Variants in OR52N4 observed in about 807,000 individuals in gnomAD.
OR52N4 encodes olfactory receptor family 52 subfamily N member 4, also known as olfactory receptor 52N4.
OR52N4 carries 15 observed loss-of-function variants against 15.0 expected under a neutral mutation model. That is an observed-to-expected ratio of 1.00 (90% CI 0.67 to 1.54). OR52N4 has a LOEUF of 1.54. OR52N4 is among the 40% of genes most tolerant of loss of function. The pLI, the probability that OR52N4 is intolerant of heterozygous loss-of-function variation, is 0.00. For missense variants in OR52N4, 421 were observed against 394.0 expected (o/e 1.07, Z -0.58); for synonymous variants, 143 against 143.7 (o/e 1.00, Z 0.03).
At chr11:5,739,958 A>G in the OR52N4 span, among the ~76,000 whole-genome samples, 2 of 128,608 alleles carry the variant, frequency 1.6e-5, 1 homozygote, top group Non-Finnish European at 3.5e-5. Context: ...GAGGGCTGAT[A>G]CTTTTCTTAG....
At chr11:5,751,370 T>C (rs1854187806), upstream of OR52N4, among the ~76,000 whole-genome samples, 1 of 152,002 alleles carries the variant, frequency 6.6e-6, no homozygotes, top group Admixed American at 6.6e-5. Flanking sequence ...TTTTTTCCAC[T>C]TTGTATTCTC....
the OR52N4 span, among the ~76,000 whole-genome samples, chr11:5,743,072 T>C: frequency 2.0e-5 from 3 of 152,014 alleles, no homozygotes; most frequent in Non-Finnish European, 4.4e-5. Flanking sequence ...TGGAAAACAA[T>C]AGCAAGCAGG....
At chr11:5,737,303 ATTG>A in the OR52N4 span, 4 of 1,613,884 alleles carry the variant, frequency 2.5e-6, no homozygotes, top group Non-Finnish European at 3.4e-6. Flanking sequence ...CTTTTACACT[ATTG>A]TTGTAGTGAT....
At chr11:5,728,068 G>T in the OR52N4 span, among the ~76,000 whole-genome samples, 1 of 152,174 alleles carries the variant, frequency 6.6e-6, no homozygotes, top group South Asian at 2.1e-4. Flanking sequence ...CACAAGAGAG[G>T]TTAGGAATAA....
upstream of OR52N4, among the ~76,000 whole-genome samples, chr11:5,753,309 C>T (rs1305605782): frequency 6.6e-6 from 1 of 151,950 alleles, no homozygotes; most frequent in African/African-American, 2.4e-5. Context: ...TTTAGCTGTC[C>T]TGTTTGGTAT....
At chr11:5,734,047 T>A in the OR52N4 span, 1 of 402,114 alleles carries the variant, frequency 2.5e-6, no homozygotes, top group East Asian at 7.3e-5. Context: ...TCTATTATGC[T>A]TAGGTCACTG....
At chr11:5,731,470 G>C in the OR52N4 span, among the ~76,000 whole-genome samples, 1 of 152,184 alleles carries the variant, frequency 6.6e-6, no homozygotes, top group Non-Finnish European at 1.5e-5. Context: ...GTACGTCTCA[G>C]AATTGTAAGC....
chr11:5,753,391 A>G (rs1564957930), upstream of OR52N4, among the ~76,000 whole-genome samples: 1 of 152,128 alleles, frequency 6.6e-6, no homozygotes, highest in Non-Finnish European at 1.5e-5. Context: ...GATTAATATA[A>G]AAGTTTGTGC....
upstream of OR52N4, among the ~76,000 whole-genome samples, chr11:5,753,889 AG>A (rs35533124): frequency 0.18 from 26,187 of 148,884 alleles, 2,433 homozygotes; most frequent in East Asian, 0.26. Flanking sequence ...GCTACTCGGG[AG>A]GCTAAGACAG....
the OR52N4 span, among the ~76,000 whole-genome samples, chr11:5,739,409 A>G: frequency 2.0e-4 from 25 of 123,928 alleles, 9 homozygotes; most frequent in African/African-American, 7.3e-4. Context: ...AAATAAAAAT[A>G]AAATTAGGCA....
the OR52N4 span, among the ~76,000 whole-genome samples, chr11:5,740,175 C>T: frequency 1.6e-5 from 2 of 127,082 alleles, 1 homozygote; most frequent in African/African-American, 5.7e-5. Flanking sequence ...TCATACAATA[C>T]GGGACACATT....
chr11:5,734,787 C>T, the OR52N4 span, among the ~76,000 whole-genome samples: 1 of 151,980 alleles, frequency 6.6e-6, no homozygotes, highest in African/African-American at 2.4e-5. Flanking sequence ...TGTGTTGAAC[C>T]CCTTCAGAAT....
chr11:5,730,458 T>C, the OR52N4 span, among the ~76,000 whole-genome samples: 1 of 152,002 alleles, frequency 6.6e-6, no homozygotes, highest in Non-Finnish European at 1.5e-5. Flanking sequence ...CCCAAAGTGC[T>C]GGGATTACAG....
At chr11:5,748,401 A>T in the OR52N4 span, among the ~76,000 whole-genome samples, 1 of 151,808 alleles carries the variant, frequency 6.6e-6, no homozygotes, top group South Asian at 2.1e-4. Context: ...TTTAGCAATA[A>T]TAATTATTTT....
the OR52N4 span, chr11:5,737,846 A>G: frequency 5.5e-6 from 1 of 181,654 alleles, no homozygotes. Flanking sequence ...TGATTGGGAC[A>G]TGAATCACAG....
chr11:5,727,056 G>C, the OR52N4 span: 1 of 152,684 alleles, frequency 6.5e-6, no homozygotes, highest in Non-Finnish European at 1.5e-5. Flanking sequence ...ACATGGCTGT[G>C]GTGAAGCTGG....
In OR52N4 at chr11:5,755,369, G is replaced by A. The variant is rs772339645; in HGVS notation, c.629G>A (p.Gly210Asp). The change falls in exon 2 of 2, where the codon GGC (glycine) becomes GAC (aspartate). Residue 210 changes from glycine to aspartate, a missense_variant. Physicochemically the swap from Gly to Asp is moderately conservative, Grantham distance 94. Coordinates refer to ENST00000641350, the MANE Select transcript of OR52N4 (RefSeq NM_001005175.5). ...YGLMVALLIW[G>D]FDILCITNSY... The stretch of plus-strand genomic sequence containing the variant: ...CTGATGGTTGCCCTCCTGATTTGGG[G>A]CTTTGACATACTGTGTATCACCAAC... 15 of 1,613,998 alleles carry A rather than the reference G, an allele frequency of 9.3e-6. No individual in the cohort carries two copies. In the South Asian group the frequency reaches 1.3e-4, roughly 14 times the overall value.
the OR52N4 span, among the ~76,000 whole-genome samples, chr11:5,729,058 AC>A: frequency 2.9e-5 from 4 of 138,998 alleles, no homozygotes; most frequent in South Asian, 7.1e-4. Context: ...CCCACAACAG[AC>A]CCCGGTGTGT....
At chr11:5,733,165 T>G in the OR52N4 span, among the ~76,000 whole-genome samples, 26,204 of 152,142 alleles carry the variant, frequency 0.17, 2,488 homozygotes, top group Admixed American at 0.27. Flanking sequence ...TAAATTATCC[T>G]AAACCTTTTC....
Sources: allele counts gnomAD v4.1 joint callset (sites outside exome capture counted in the v4.1 genomes callset), GRCh38; gene constraint gnomAD v4.1.1; transcripts MANE v1.5; gene names NCBI Gene and HGNC (gene_info 2026-07-23, HGNC 2026-07-21).